Variants in DKK2 observed in about 807,000 individuals in gnomAD.
DKK2 encodes the protein dickkopf Wnt signaling pathway inhibitor 2.
In DKK2, 11 loss-of-function variants were observed where a neutral mutation model predicts 28.1. The ratio of observed to expected loss-of-function variants is 0.39; its 90% CI spans 0.25 to 0.65. The LOEUF is 0.65. Among genes scored for constraint, DKK2 ranks in the 30% least tolerant of loss-of-function variants. The pLI, the probability that DKK2 is intolerant of heterozygous loss-of-function variation, is 0.47. For synonymous variants in DKK2, 135 were observed against 126.5 expected, an observed-to-expected ratio of 1.07 and a Z score of -0.45; for missense variants, 326 against 335.5, an observed-to-expected ratio of 0.97 and a Z score of 0.22.
chr4:106,978,965 C>A (rs947997965), intron 1 of DKK2, among the ~76,000 whole-genome samples: 1 of 152,088 alleles, frequency 6.6e-6, no homozygotes, highest in Non-Finnish European at 1.5e-5. Flanking sequence ...CCGGAATGCA[C>A]CACTCCTCAC....
At chr4:107,002,723 G>C (rs1467973459) in intron 1 of DKK2, among the ~76,000 whole-genome samples, 2 of 151,998 alleles carry the variant, frequency 1.3e-5, no homozygotes, top group Non-Finnish European at 2.9e-5. Flanking sequence ...TGGATTTCTG[G>C]GTCTACTCCT....
At chr4:106,960,340 C>T (rs182767394) in intron 1 of DKK2, among the ~76,000 whole-genome samples, 36 of 152,010 alleles carry the variant, frequency 2.4e-4, no homozygotes, top group Non-Finnish European at 4.1e-4. Flanking sequence ...AAATACCACA[C>T]GTTCTCACTT....
intron 1 of DKK2, among the ~76,000 whole-genome samples, chr4:107,034,281 C>G (rs1169408098): frequency 6.6e-6 from 1 of 152,040 alleles, no homozygotes; most frequent in African/African-American, 2.4e-5. Context: ...AAACTCGGAT[C>G]TCTGGGGCGT....
At chr4:106,994,378 G>A (rs923253275) in intron 1 of DKK2, among the ~76,000 whole-genome samples, 11 of 152,054 alleles carry the variant, frequency 7.2e-5, no homozygotes, top group African/African-American at 2.2e-4. Flanking sequence ...CTGGGATCTA[G>A]ACATAGTCAT....
At chr4:106,988,189 A>G (rs950497397) in intron 1 of DKK2, among the ~76,000 whole-genome samples, 1 of 152,176 alleles carries the variant, frequency 6.6e-6, no homozygotes, top group Non-Finnish European at 1.5e-5. Context: ...CTTGCAGATG[A>G]GGAAACTGAG....
intron 1 of DKK2, among the ~76,000 whole-genome samples, chr4:107,015,069 A>C (rs1578379142): frequency 6.6e-6 from 1 of 151,622 alleles, no homozygotes; most frequent in East Asian, 1.9e-4. Flanking sequence ...CATGTGCTGA[A>C]ACATTTCTGT....
rs1724801311 is a variant in DKK2 at position 106,947,889 on chromosome 4, T to C, written c.223-21940A>G. 2.0e-5 allele frequency among the ~76,000 whole-genome samples: 3 copies of C among 152,112 alleles called. No individual in the cohort carries two copies. The South Asian group carries it at 6.2e-4, about 32-fold the overall frequency. On this transcript the variant is annotated intron_variant, in intron 1 of 3. Transcript: ENST00000285311. ...TGGCCTCAAACTCCTGGCTTCAAGC[T>C]CTCCTTCTGTCTCAGCCTCTCGAGT...
chr4:107,011,724 A>AT, intron 1 of DKK2, among the ~76,000 whole-genome samples: 1 of 150,306 alleles, frequency 6.7e-6, no homozygotes, highest in Non-Finnish European at 1.5e-5. Flanking sequence ...GGTGTGTATA[A>AT]TTTTATTTTG....
intron 1 of DKK2, among the ~76,000 whole-genome samples, chr4:106,939,801 G>T (rs1189810635): frequency 6.6e-6 from 1 of 151,952 alleles, no homozygotes; most frequent in Non-Finnish European, 1.5e-5. Context: ...CAGAAATAAT[G>T]CTGCATATCT....
chr4:106,961,343 C>G (rs1722681703), intron 1 of DKK2, among the ~76,000 whole-genome samples: 1 of 151,922 alleles, frequency 6.6e-6, no homozygotes, highest in African/African-American at 2.4e-5. Context: ...GTCTCTTTTA[C>G]AAAATTATTA....
chr4:106,963,864 C>A (rs1000892979), intron 1 of DKK2, among the ~76,000 whole-genome samples: 1 of 152,144 alleles, frequency 6.6e-6, no homozygotes, highest in African/African-American at 2.4e-5. Context: ...GATTTTATTT[C>A]TTCTAACTCT....
At position 107,025,988 on chromosome 4, in the gene DKK2, T is replaced by A. The variant is rs140596066; in HGVS notation, c.222+9382A>T. Among the ~76,000 whole-genome samples, 305 of 152,328 alleles carry A rather than the reference T, an allele frequency of 2.0e-3. 1 individual carries two copies. The highest frequency in any genetic ancestry group is 6.8e-3 in the African/African-American group (283 of 41,566). ...TATATTAGAAGTCAGAGGATGCAAG[T>A]TCCAGTGAGAATTTCTTTGTCAGAG... is the stretch of plus-strand genomic sequence containing the variant. On this transcript the variant is annotated intron_variant, in intron 1 of 3. Transcript: ENST00000285311.
At chr4:106,994,500 C>T (rs1039147261) in intron 1 of DKK2, among the ~76,000 whole-genome samples, 1 of 151,694 alleles carries the variant, frequency 6.6e-6, no homozygotes, top group African/African-American at 2.4e-5. Flanking sequence ...ACCACACACA[C>T]ACACACACAC....
At chr4:106,940,493 AC>A (rs1320640423) in intron 1 of DKK2, among the ~76,000 whole-genome samples, 2 of 150,680 alleles carry the variant, frequency 1.3e-5, no homozygotes, top group Non-Finnish European at 1.5e-5. Flanking sequence ...AAATAGGAAC[AC>A]TTTTACACTG....
chr4:106,925,719 G>A, intron 2 of DKK2, 80 bp downstream of exon 2: 4 of 1,507,248 alleles, frequency 2.7e-6, no homozygotes, highest in South Asian at 2.7e-5. Context: ...TCTGAGTAAG[G>A]AGACGATAGC....
chr4:107,035,130 C>T (rs1312919976), intron 1 of DKK2, among the ~76,000 whole-genome samples: 1 of 152,164 alleles, frequency 6.6e-6, no homozygotes, highest in Non-Finnish European at 1.5e-5. Context: ...TATGTGCCCA[C>T]GCCCCAGAGC....
At chr4:106,976,340 T>C (rs919025397) in intron 1 of DKK2, among the ~76,000 whole-genome samples, 33 of 152,316 alleles carry the variant, frequency 2.2e-4, no homozygotes, top group African/African-American at 7.9e-4. Context: ...GACAGTGGGG[T>C]GTTAAATCTC....
intron 1 of DKK2, among the ~76,000 whole-genome samples, chr4:106,981,086 C>T (rs1457438425): frequency 6.6e-6 from 1 of 151,978 alleles, no homozygotes; most frequent in Non-Finnish European, 1.5e-5. Flanking sequence ...ATAATAAAGT[C>T]ATTTAAAGCC....
At chr4:107,008,946 T>C (rs1401513834) in intron 1 of DKK2, among the ~76,000 whole-genome samples, 1 of 151,966 alleles carries the variant, frequency 6.6e-6, no homozygotes, top group Admixed American at 6.6e-5. Flanking sequence ...AACAGAAATA[T>C]CAGTTCCTTA....
Sources: allele counts gnomAD v4.1 joint callset (sites outside exome capture counted in the v4.1 genomes callset), GRCh38; gene constraint gnomAD v4.1.1; transcripts MANE v1.5; gene names NCBI Gene and HGNC (gene_info 2026-07-23, HGNC 2026-07-21).